The following SESTD1 variants were observed in gnomAD, a reference collection of about 807,000 sequenced individuals.
SESTD1 encodes SEC14 and spectrin domain containing 1, also known as SEC14 domain and spectrin repeat-containing protein 1.
In SESTD1, 43 loss-of-function variants were observed where a neutral mutation model predicts 101.7. That is an observed-to-expected ratio of 0.42 (90% CI 0.33 to 0.55). The LOEUF (loss-of-function observed/expected upper bound fraction) is 0.55. Ranked by LOEUF, SESTD1 falls within the 20% of genes least tolerant of loss-of-function variation. SESTD1 has a pLI of 0.07. For missense variants in SESTD1, 647 were observed against 815.1 expected (o/e 0.79, Z 2.51); for synonymous variants, 283 against 286.8 (o/e 0.99, Z 0.13).
At chr2:179,238,614 T>C (rs2047103660) in intron 1 of SESTD1, among the ~76,000 whole-genome samples, 1 of 152,150 alleles carries the variant, frequency 6.6e-6, no homozygotes, top group Admixed American at 6.5e-5. Context: ...AACTAGAAAC[T>C]TATTGCTCAA....
At chr2:179,143,560 A>C in intron 9 of SESTD1, 32 bp downstream of exon 9, 1 of 1,587,702 alleles carries the variant, frequency 6.3e-7, no homozygotes, top group East Asian at 2.2e-5. Flanking sequence ...AGGAATTAAA[A>C]AGAGTTAAAT....
At chr2:179,225,073 G>A (rs1165192789) in intron 1 of SESTD1, among the ~76,000 whole-genome samples, 1 of 152,114 alleles carries the variant, frequency 6.6e-6, no homozygotes, top group East Asian at 1.9e-4. Context: ...GTAGTCTTGT[G>A]GGACTCACCC....
chr2:179,124,841 C>A (rs746066133), intron 10 of SESTD1, among the ~76,000 whole-genome samples: 1 of 152,156 alleles, frequency 6.6e-6, no homozygotes, highest in Non-Finnish European at 1.5e-5. Context: ...TGACATACTG[C>A]AAGCCTGAAG....
rs990855485 is a variant in SESTD1, at chr2:179,264,628, GCGGCGGCGGCAGCAGCGGCGA to G, written c.-176_-156del. ...CGGGCTGGGGGCGGAGCGGGCCCGG[GCGGCGGCGGCAGCAGCGGCGA>G]CGGCTGCGGCTCCAGTCACTCGCGG... On this transcript the variant is annotated 5_prime_UTR_variant, in exon 1 of 18. Coordinates refer to ENST00000428443, the MANE Select transcript of SESTD1 (RefSeq NM_178123.5). 1 of 152,464 alleles carries G rather than the reference GCGGCGGCGGCAGCAGCGGCGA, an allele frequency of 6.6e-6. No individual in the cohort carries two copies. Among genetic ancestry groups the G allele is most frequent in the African/African-American group, 2.4e-5 (1 of 41,096 alleles). 9.4% of individuals were successfully genotyped at this position (152,464 alleles called of 1,614,324 possible).
At chr2:179,147,896 A>T (rs962080459) in intron 7 of SESTD1, among the ~76,000 whole-genome samples, 1 of 152,252 alleles carries the variant, frequency 6.6e-6, no homozygotes, top group Non-Finnish European at 1.5e-5. Flanking sequence ...AAACAAGTCC[A>T]GCTAATTTTC....
Position 179,213,754 on chromosome 2 carries a change from T to C in SESTD1, c.-25-21888A>G, listed in dbSNP as rs1304498717. ...TGTTAAAGACAACCATAGAGAAAGG[T>C]TGGGTTACCCACAAAGGATGGAATC... On this transcript the variant is annotated intron_variant, in intron 1 of 17. Transcript: ENST00000428443. Among the ~76,000 whole-genome samples the C allele has an allele frequency of 5.2e-5, 7 of 135,018 alleles. 2 individuals carry two copies. The highest frequency in any genetic ancestry group is 2.0e-4 in the East Asian group (1 of 5,028). The allele number at this position is 135,018 out of a possible 152,430, so 88.6% of individuals were successfully genotyped here.
At chr2:179,220,193 C>G (rs2105525774) in intron 1 of SESTD1, among the ~76,000 whole-genome samples, 1 of 152,312 alleles carries the variant, frequency 6.6e-6, no homozygotes, top group East Asian at 1.9e-4. Context: ...CCATCCTCCT[C>G]ACTCTGTCCC....
At position 179,112,831 on chromosome 2, in the gene SESTD1, A is replaced by G. The variant is rs1415998962; in HGVS notation, c.1854T>C (p.Cys618=). ...CATTAATAGCTTCAGGCTCTTCTGGACAGTCCTGCAAAATCTGCAACAAAT... is the reference window on the plus strand; with the variant it reads ...CATTAATAGCTTCAGGCTCTTCTGGGCAGTCCTGCAAAATCTGCAACAAAT... ...HSNAEKILQD[C]PEEPEAINDE... is the part of the protein sequence containing the mutation. Residue 618 remains cysteine, a synonymous_variant, in exon 17 of 18, where the codon TGT becomes TGC. Coordinates refer to ENST00000428443, the MANE Select transcript of SESTD1 (RefSeq NM_178123.5). 3 of 1,611,344 alleles carry G rather than the reference A, an allele frequency of 1.9e-6. No homozygotes were observed. Among genetic ancestry groups the G allele is most frequent in the African/African-American group, 2.7e-5 (2 of 74,858 alleles).
intron 5 of SESTD1, among the ~76,000 whole-genome samples, chr2:179,151,818 T>A (rs918997819): frequency 2.6e-5 from 4 of 152,182 alleles, no homozygotes; most frequent in Non-Finnish European, 1.5e-5. Context: ...GTTTTTCTAA[T>A]GTTCCTTTGA....
intron 1 of SESTD1, among the ~76,000 whole-genome samples, chr2:179,221,314 T>TAAA (rs11443133): frequency 1.4e-5 from 2 of 145,534 alleles, no homozygotes; most frequent in African/African-American, 2.5e-5. Flanking sequence ...AAAGTCCCAT[T>TAAA]AAAAAAAAAA....
At chr2:179,123,630 G>C (rs1404062267) in intron 12 of SESTD1, 85 bp downstream of exon 12, 5 of 829,744 alleles carry the variant, frequency 6.0e-6, no homozygotes, top group Non-Finnish European at 9.5e-6. Flanking sequence ...TTAGTTCAGT[G>C]TAAGTTGACT....
intron 1 of SESTD1, among the ~76,000 whole-genome samples, chr2:179,206,997 C>T (rs1037152675): frequency 7.5e-6 from 1 of 133,490 alleles, no homozygotes; most frequent in Non-Finnish European, 1.6e-5. Context: ...TGGAACATAA[C>T]TCCATTGGCC....
At chr2:179,170,659 T>G (rs1336845060) in intron 5 of SESTD1, among the ~76,000 whole-genome samples, 1 of 152,194 alleles carries the variant, frequency 6.6e-6, no homozygotes, top group Non-Finnish European at 1.5e-5. Context: ...TGTGGGCCTC[T>G]AAACAGATTC....
intron 9 of SESTD1, 76 bp downstream of exon 9, chr2:179,143,516 A>G (rs974374569): frequency 7.6e-7 from 1 of 1,309,794 alleles, no homozygotes; most frequent in Non-Finnish European, 1.1e-6. Flanking sequence ...AGTGTATATA[A>G]GACTTAATAG....
intron 7 of SESTD1, among the ~76,000 whole-genome samples, chr2:179,147,157 GA>G (rs35908478): frequency 0.45 from 67,220 of 147,938 alleles, 17,781 homozygotes; most frequent in African/African-American, 0.75. Context: ...AAAGAAGGTT[GA>G]AAAAAAAAAC....
intron 1 of SESTD1, among the ~76,000 whole-genome samples, chr2:179,234,095 A>C (rs1171561360): frequency 6.6e-6 from 1 of 152,186 alleles, no homozygotes; most frequent in Non-Finnish European, 1.5e-5. Flanking sequence ...ATCAGTTGAA[A>C]GCATGAGTAG....
chr2:179,198,102 A>G (rs1243610706), intron 1 of SESTD1, among the ~76,000 whole-genome samples: 1 of 152,108 alleles, frequency 6.6e-6, no homozygotes, highest in Non-Finnish European at 1.5e-5. Flanking sequence ...TCAAAATAAA[A>G]GGATGGAGGA....
intron 1 of SESTD1, among the ~76,000 whole-genome samples, chr2:179,243,246 C>T (rs1055299013): frequency 6.6e-6 from 1 of 151,212 alleles, no homozygotes; most frequent in Non-Finnish European, 1.5e-5. Flanking sequence ...ATTAAAAAGT[C>T]AAAAAAAATG....
At chr2:179,181,540 G>A (rs1464768774) in intron 3 of SESTD1, among the ~76,000 whole-genome samples, 1 of 152,096 alleles carries the variant, frequency 6.6e-6, no homozygotes, top group Non-Finnish European at 1.5e-5. Flanking sequence ...CACATGAGAT[G>A]CAACTACACT....
Sources: allele counts gnomAD v4.1 joint callset (sites outside exome capture counted in the v4.1 genomes callset), GRCh38; gene constraint gnomAD v4.1.1; transcripts MANE v1.5; gene names NCBI Gene and HGNC (gene_info 2026-07-23, HGNC 2026-07-21).